TRIM42: variants seen among roughly 807,000 people sequenced by gnomAD.
The protein encoded by TRIM42 is tripartite motif containing 42, also known as tripartite motif-containing protein 42.
In TRIM42, 59 loss-of-function variants were observed where a neutral mutation model predicts 64.9. The observed-to-expected ratio is 0.91, with a 90% CI of 0.74 to 1.13. The LOEUF (loss-of-function observed/expected upper bound fraction) is 1.13. TRIM42 is among the 50% of genes most tolerant of loss of function. TRIM42 has a pLI of 0.00. For synonymous variants in TRIM42, 354 were observed against 346.3 expected (o/e 1.02, Z -0.25); for missense variants, 878 against 929.5 (o/e 0.94, Z 0.72).
Position 140,678,277 on chromosome 3 carries a change from ATGT to A in TRIM42, c.52_54del (p.Cys18del). ...GCTGTCCATGTTGTACATGGCAGAG[ATGT>A]TGTCCTCAGTTATGCTCCTGTCTGT... is the stretch of plus-strand genomic sequence containing the variant. On this transcript the variant is annotated inframe_deletion, in exon 1 of 5. Transcript: ENST00000286349. The A allele has an allele frequency of 6.2e-7, 1 of 1,614,162 alleles. No homozygotes were observed. The highest frequency in any genetic ancestry group is 8.5e-7 in the Non-Finnish European group (1 of 1,180,022).
chr3:140,693,617 T>C (rs1462642736), intron 4 of TRIM42, among the ~76,000 whole-genome samples: 1 of 152,214 alleles, frequency 6.6e-6, no homozygotes, highest in Non-Finnish European at 1.5e-5. Context: ...AAAATCAAAA[T>C]TTTTTCCTTG....
In TRIM42 at chr3:140,678,525, C is replaced by A. The variant is rs745936263; in HGVS notation, c.296C>A (p.Thr99Asn). 9.9e-6 allele frequency: 16 copies of A among 1,614,072 alleles called. No homozygotes were observed. The highest frequency in any genetic ancestry group is 1.4e-5 in the Non-Finnish European group (16 of 1,179,960). Reference sequence around the variant, plus strand: ...TATGAGAGCCGCTGCTGCCGCAATACCATCATCACTTTCCACAAGGGCCGC... The same window carrying A: ...TATGAGAGCCGCTGCTGCCGCAATAACATCATCACTTTCCACAAGGGCCGC... ...YYYESRCCRN[T>N]IITFHKGRLR... The change falls in exon 1 of 5, where the codon ACC becomes AAC. Residue 99 changes from threonine (T) to asparagine (N), a missense_variant. By Grantham distance (65) the Thr-to-Asn change is moderately conservative. Transcript: ENST00000286349.
At chr3:140,679,054 AC>A (rs61681806) in intron 1 of TRIM42, among the ~76,000 whole-genome samples, 15,128 of 150,848 alleles carry the variant, frequency 0.1, 853 homozygotes, top group Non-Finnish European at 0.12. Flanking sequence ...CGGAGACAAT[AC>A]CCCCCCCATG....
chr3:140,689,790 A>G (rs1383156435), intron 3 of TRIM42, among the ~76,000 whole-genome samples: 1 of 150,850 alleles, frequency 6.6e-6, no homozygotes, highest in Non-Finnish European at 1.5e-5. Context: ...TCCAATTGAT[A>G]CTAGATCAGC....
chr3:140,688,479 C>G lies in TRIM42; in HGVS notation c.1797C>G (p.Gly599=), dbSNP rs751466282. ...ACAACTGGTACTCATTCAACGATGG[C>G]TCTGTGAAGACCCCAGGCCCAATTG... ...SFHNWYSFND[G]SVKTPGPIVI... is the part of the protein sequence containing the mutation. The change falls in exon 3 of 5, where the codon GGC becomes GGG. Residue 599 remains glycine (G), a synonymous_variant. Coordinates refer to ENST00000286349, the MANE Select transcript of TRIM42 (RefSeq NM_152616.5). 1 of 1,614,182 alleles carries G rather than the reference C, an allele frequency of 6.2e-7. No individual in the cohort carries two copies. The highest frequency in any genetic ancestry group is 1.7e-5 in the Admixed American group (1 of 60,018).
Position 140,678,238 on chromosome 3 carries a change from T to C in TRIM42, c.9T>C (p.Thr3=), listed in dbSNP as rs555847317. 1.2e-6 allele frequency: 2 copies of C among 1,613,310 alleles called. No homozygotes were observed. Among genetic ancestry groups the C allele is most frequent in the Admixed American group, 1.7e-5 (1 of 60,018 alleles). Residue 3 remains threonine, a synonymous_variant, in exon 1 of 5, where the codon ACT becomes ACC. Transcript: ENST00000286349. ...GTAATCATGTAGGCACCATGGAAAC[T>C]GCTATGTGCGTTTGCTGTCCATGTT... ME[T]AMCVCCPCCT...
chr3:140,678,910 A>T (rs1988284109), intron 1 of TRIM42, among the ~76,000 whole-genome samples: 1 of 152,144 alleles, frequency 6.6e-6, no homozygotes. Context: ...CCTCACCCTA[A>T]GTCCACTGTT....
At chr3:140,680,582 T>G in intron 1 of TRIM42, 1 of 671,844 alleles carries the variant, frequency 1.5e-6, no homozygotes, top group Non-Finnish European at 1.8e-6. Context: ...TATTATACCT[T>G]GATTCTCCAG....
chr3:140,690,899 A>G, intron 3 of TRIM42, 69 bp from the exon 4 acceptor site: 2 of 1,336,828 alleles, frequency 1.5e-6, no homozygotes, highest in Admixed American at 3.4e-5. Context: ...CAACATCACA[A>G]ATCTTTAAGG....
chr3:140,682,388 T>A, intron 1 of TRIM42, 74 bp from the exon 2 acceptor site: 13 of 1,449,710 alleles, frequency 9.0e-6, no homozygotes, highest in Non-Finnish European at 1.2e-5. Context: ...AACCAAGAGT[T>A]CTTTCAGAGG....
At chr3:140,696,296 TTTC>T (rs1274088121) in intron 4 of TRIM42, among the ~76,000 whole-genome samples, 2 of 152,066 alleles carry the variant, frequency 1.3e-5, no homozygotes, top group Non-Finnish European at 2.9e-5. Flanking sequence ...TCTTACTTTG[TTTC>T]TTACCTTTTT....
chr3:140,687,995 G>C lies in TRIM42; in HGVS notation c.1313G>C (p.Gly438Ala), dbSNP rs1399365537. ...AYSKEALKET[G>A]QVAFLQSAKI... is the part of the protein sequence containing the mutation. ...TCCAAGGAAGCCCTGAAGGAGACTG[G>C]CCAGGTGGCATTCCTGCAGTCAGCC... The change falls in exon 3 of 5, where the codon GGC (glycine) becomes GCC (alanine). Residue 438 changes from glycine (G) to alanine (A), a missense_variant. By Grantham distance (60) the Gly-to-Ala change is moderately conservative. Coordinates refer to ENST00000286349, the MANE Select transcript of TRIM42 (RefSeq NM_152616.5). 1 of 1,614,198 alleles carries C rather than the reference G, an allele frequency of 6.2e-7. No homozygotes were observed. The highest frequency in any genetic ancestry group is 1.6e-4 in the Middle Eastern group (1 of 6,062).
intron 4 of TRIM42, among the ~76,000 whole-genome samples, chr3:140,697,292 C>T (rs1253025103): frequency 1.3e-5 from 2 of 152,112 alleles, no homozygotes; most frequent in Non-Finnish European, 2.9e-5. Context: ...ATTTGCCTAT[C>T]AGCTTTGTTC....
Position 140,691,077 on chromosome 3 carries a change from G to C in TRIM42, c.1970G>C (p.Arg657Pro), listed in dbSNP as rs115301879. 1 of 1,614,060 alleles carries C rather than the reference G, an allele frequency of 6.2e-7. No individual in the cohort carries two copies. The highest frequency in any genetic ancestry group is 1.7e-5 in the Admixed American group (1 of 60,006). Residue 657 changes from arginine (R) to proline (P), a missense_variant, in exon 4 of 5, where the codon CGG becomes CCG. Coordinates refer to ENST00000286349, the MANE Select transcript of TRIM42 (RefSeq NM_152616.5). The stretch of plus-strand genomic sequence containing the variant: ...CAAATGGAGCTCTGTGGACAAATTC[G>C]GGACATAATGCAGCAAAATCTGGAG... ...NVQMELCGQI[R>P]DIMQQNLELH...
At chr3:140,683,184 G>A (rs1217047754) in intron 2 of TRIM42, 25 bp downstream of exon 2, 1 of 1,610,452 alleles carries the variant, frequency 6.2e-7, no homozygotes. Flanking sequence ...CACTCCTTCA[G>A]CCTAACTTCT....
chr3:140,685,664 G>GT (rs78793877), intron 2 of TRIM42, among the ~76,000 whole-genome samples: 2,698 of 151,742 alleles, frequency 0.018, 59 homozygotes, highest in East Asian at 0.12. Flanking sequence ...CAAGAGAAGA[G>GT]TTTTTTTTTA....
At chr3:140,683,217 ATG>A in intron 2 of TRIM42, 58 bp downstream of exon 2, 1 of 1,567,562 alleles carries the variant, frequency 6.4e-7, no homozygotes, top group Non-Finnish European at 8.7e-7. Context: ...CATGGGGAAG[ATG>A]GCGTGGGGTA....
At position 140,687,990 on chromosome 3, in the gene TRIM42, G is replaced by T. The variant is rs1309145653; in HGVS notation, c.1308G>T (p.Glu436Asp). ...LIAYSKEALK[E>D]TGQVAFLQSA... ...CCTACTCCAAGGAAGCCCTGAAGGA[G>T]ACTGGCCAGGTGGCATTCCTGCAGT... Residue 436 changes from glutamate to aspartate, a missense_variant, in exon 3 of 5, where the codon GAG becomes GAT. By Grantham distance (45) the Glu-to-Asp change is conservative (BLOSUM62 2). Coordinates refer to ENST00000286349, the MANE Select transcript of TRIM42 (RefSeq NM_152616.5). 2 of 1,614,056 alleles carry T rather than the reference G, an allele frequency of 1.2e-6. No homozygotes were observed. The highest frequency in any genetic ancestry group is 1.7e-6 in the Non-Finnish European group (2 of 1,180,036).
At chr3:140,686,540 T>C (rs976007314) in intron 2 of TRIM42, among the ~76,000 whole-genome samples, 1 of 152,250 alleles carries the variant, frequency 6.6e-6, no homozygotes, top group African/African-American at 2.4e-5. Context: ...CCTGTTCTCA[T>C]GATCTGACAG....
Sources: gnomAD v4.1 joint callset for allele counts (sites outside exome capture counted in the v4.1 genomes callset) on GRCh38, gnomAD v4.1.1 for gene constraint, MANE v1.5 for transcripts, NCBI Gene and HGNC (gene_info 2026-07-23, HGNC 2026-07-21) for gene names.